The following SLC14A2 variants were observed in gnomAD, a reference collection of about 807,000 sequenced individuals.
SLC14A2 encodes solute carrier family 14 member 2, also known as urea transporter 2.
A neutral mutation model predicts 104.6 loss-of-function variants in SLC14A2; 91 were observed. That is an observed-to-expected ratio of 0.87 (90% confidence interval 0.73 to 1.04). The LOEUF (loss-of-function observed/expected upper bound fraction) is 1.04. Ranked by LOEUF, SLC14A2 falls within the 50% of genes least tolerant of loss-of-function variation. The pLI, the probability that SLC14A2 is intolerant of heterozygous loss-of-function variation, is 0.00. For missense variants in SLC14A2, 1,189 were observed against 1,156.0 expected, an observed-to-expected ratio of 1.03 and a Z score of -0.41; for synonymous variants, 476 against 466.4, an observed-to-expected ratio of 1.02 and a Z score of -0.27.
the SLC14A2 span, among the ~76,000 whole-genome samples, chr18:45,176,123 A>AGG: frequency 2.6e-5 from 4 of 152,280 alleles, no homozygotes; most frequent in African/African-American, 9.6e-5. Context: ...GCCAACCCCT[A>AGG]GGAAGAGAAT....
intron 1 of SLC14A2, among the ~76,000 whole-genome samples, chr18:45,433,984 T>A (rs529456735): frequency 6.6e-6 from 1 of 152,202 alleles, no homozygotes; most frequent in Non-Finnish European, 1.5e-5. Context: ...TCAGGGCTCC[T>A]GTGTCTTCCC....
At chr18:45,410,512 T>A (rs141809625) in intron 1 of SLC14A2, among the ~76,000 whole-genome samples, 1 of 152,204 alleles carries the variant, frequency 6.6e-6, no homozygotes, top group Admixed American at 6.5e-5. Flanking sequence ...TTTTCTACTA[T>A]ATTGAATAAC....
At chr18:45,628,903 G>A (rs2045303106) in intron 4 of SLC14A2, among the ~76,000 whole-genome samples, 1 of 152,156 alleles carries the variant, frequency 6.6e-6, no homozygotes, top group Admixed American at 6.5e-5. Context: ...CTTATTAACT[G>A]TGACTCTTAC....
At chr18:45,212,522 G>A (rs555807598), upstream of SLC14A2, among the ~76,000 whole-genome samples, 6 of 152,268 alleles carry the variant, frequency 3.9e-5, no homozygotes, top group Admixed American at 6.5e-5. Context: ...CATACAGTAC[G>A]CGCAAGAGAA....
intron 2 of SLC14A2, among the ~76,000 whole-genome samples, chr18:45,571,326 C>T (rs2044342017): frequency 6.6e-6 from 1 of 152,226 alleles, no homozygotes; most frequent in Non-Finnish European, 1.5e-5. Context: ...ACTGTTGCTC[C>T]CAGCTGGCTT....
intron 1 of SLC14A2, among the ~76,000 whole-genome samples, chr18:45,236,206 CAT>C (rs1229101892): frequency 5.4e-5 from 2 of 37,260 alleles, no homozygotes; most frequent in Admixed American, 3.5e-4. Flanking sequence ...TGTATATATA[CAT>C]ATATGTGTGT....
intron 10 of SLC14A2, among the ~76,000 whole-genome samples, chr18:45,655,512 G>A (rs1568316525): frequency 6.6e-6 from 1 of 152,190 alleles, no homozygotes; most frequent in Non-Finnish European, 1.5e-5. Context: ...TGCCTGATTG[G>A]TATTGGCTTT....
At chr18:45,213,640 G>A (rs912949273) in intron 1 of SLC14A2, among the ~76,000 whole-genome samples, 7 of 152,162 alleles carry the variant, frequency 4.6e-5, no homozygotes, top group Admixed American at 1.3e-4. Flanking sequence ...CATGGAAGAG[G>A]ATGAGGTGAG....
chr18:45,668,025 A>C lies in SLC14A2; in HGVS notation c.1907+3A>C. 2 of 1,613,832 alleles carry C rather than the reference A, an allele frequency of 1.2e-6. No homozygotes were observed. Among genetic ancestry groups the C allele is most frequent in the East Asian group, 4.5e-5 (2 of 44,868 alleles). ...GCCCTCATCCTGAGTCAGGACAAGTAAGTCCCAGAGGCTCAGGGTCCAAAC... is the reference window on the plus strand; with the variant it reads ...GCCCTCATCCTGAGTCAGGACAAGTCAGTCCCAGAGGCTCAGGGTCCAAAC... On this transcript the variant is annotated splice_donor_region_variant and intron_variant, in intron 14 of 19. Transcript: ENST00000255226.
rs755496537 is a variant in SLC14A2 at position 45,641,309 on chromosome 18, C to A, written c.1092C>A (p.Leu364=). 8.7e-5 allele frequency: 141 copies of A among 1,614,116 alleles called. No homozygotes were observed. The highest frequency in any genetic ancestry group is 1.1e-4 in the Non-Finnish European group (135 of 1,180,036). ...CIAIGGMFYA[L]TWQTHLLALI... ...CCATCGGAGGCATGTTCTATGCCCT[C>A]ACCTGGCAGACTCACCTGCTGGCCC... The change falls in exon 8 of 20, where the codon CTC becomes CTA. Residue 364 remains leucine, a synonymous_variant. Transcript: ENST00000255226.
At chr18:45,355,905 T>C (rs1598714506) in intron 1 of SLC14A2, among the ~76,000 whole-genome samples, 1 of 152,094 alleles carries the variant, frequency 6.6e-6, no homozygotes, top group South Asian at 2.1e-4. Flanking sequence ...TCAACCAAGG[T>C]ATAAGGCAGG....
chr18:45,606,398 C>T (rs989375901), intron 2 of SLC14A2, among the ~76,000 whole-genome samples: 10 of 152,014 alleles, frequency 6.6e-5, no homozygotes, highest in Admixed American at 3.3e-4. Context: ...GGCAGGGTTG[C>T]GGGAGGGAGC....
chr18:45,669,311 T>C lies in SLC14A2; in HGVS notation c.2042T>C (p.Ile681Thr). 8 of 1,612,144 alleles carry C rather than the reference T, an allele frequency of 5.0e-6. No individual in the cohort carries two copies. Among genetic ancestry groups the C allele is most frequent in the Non-Finnish European group, 6.8e-6 (8 of 1,178,860 alleles). Residue 681 changes from isoleucine (I) to threonine (T), a missense_variant, in exon 16 of 20, where the codon ATC (isoleucine) becomes ACC (threonine). Ile to Thr is a moderately conservative substitution (Grantham distance 89). Transcript: ENST00000255226. ...PVIIMSMSCPILSSALGTIFS... is the reference protein window; with the variant it reads ...PVIIMSMSCPTLSSALGTIFS... The stretch of plus-strand genomic sequence containing the variant: ...TCTCATGCTTCTGCCATCAGCCCCA[T>C]CCTCTCCAGTGCCCTGGGTACCATC...
chr18:45,395,599 CT>C (rs1004040104), intron 1 of SLC14A2, among the ~76,000 whole-genome samples: 6 of 151,708 alleles, frequency 4.0e-5, no homozygotes, highest in South Asian at 2.1e-4. Context: ...CTAATCCAAA[CT>C]TTTTTTTTGT....
chr18:45,232,089 G>T lies in SLC14A2; in HGVS notation c.-125+18898G>T, dbSNP rs114525647. Among the ~76,000 whole-genome samples, 516 of 152,068 alleles carry T rather than the reference G, an allele frequency of 3.4e-3. 2 individuals are homozygous for T. Among genetic ancestry groups the T allele is most frequent in the African/African-American group, 0.011 (468 of 41,472 alleles). On this transcript the variant is annotated intron_variant, in intron 1 of 20. Coordinates refer to the SLC14A2 transcript ENST00000586448. ...ATGAACCAGAGTTGAAGCTATGGGA[G>T]CAGAAAGGGAAGTGTATTGTTTATT...
chr18:45,624,171 A>C (rs2045221227), intron 1 of SLC14A2, among the ~76,000 whole-genome samples: 1 of 152,162 alleles, frequency 6.6e-6, no homozygotes. Context: ...GAAGAGAAGG[A>C]AGACTGGAGA....
At chr18:45,462,518 G>A (rs1379422231) in intron 1 of SLC14A2, among the ~76,000 whole-genome samples, 2 of 152,196 alleles carry the variant, frequency 1.3e-5, no homozygotes, top group Non-Finnish European at 2.9e-5. Context: ...GATTTGAAAC[G>A]GAGCAGAGAA....
chr18:45,182,689 G>GCAA, the SLC14A2 span, among the ~76,000 whole-genome samples: 1 of 151,616 alleles, frequency 6.6e-6, no homozygotes, highest in Non-Finnish European at 1.5e-5. Context: ...AATATATAAA[G>GCAA]CAACAACAAA....
At chr18:45,498,504 A>G (rs116530912) in intron 2 of SLC14A2, among the ~76,000 whole-genome samples, 95 of 152,326 alleles carry the variant, frequency 6.2e-4, no homozygotes, top group African/African-American at 2.1e-3. Context: ...CTGCAACACC[A>G]TAAGTTCTAC....
Sources: allele counts gnomAD v4.1 joint callset (sites outside exome capture counted in the v4.1 genomes callset), GRCh38; gene constraint gnomAD v4.1.1; transcripts MANE v1.5; gene names NCBI Gene and HGNC (gene_info 2026-07-23, HGNC 2026-07-21).